HSP90AA1: variants seen among roughly 807,000 people sequenced by gnomAD.
The protein encoded by HSP90AA1 is heat shock protein 90 alpha family class A member 1.
Under a neutral mutation model 73.3 loss-of-function variants are expected in HSP90AA1, and 18 were observed. The ratio of observed to expected loss-of-function variants is 0.25; its 90% CI spans 0.17 to 0.36. The LOEUF (loss-of-function observed/expected upper bound fraction) is 0.36, where lower values mean the gene tolerates loss of function less well. HSP90AA1 is among the 10% of genes least tolerant of loss of function. The probability of loss-of-function intolerance (pLI) is 1.00; values close to 1 mark genes in which losing one functional copy is unlikely to be tolerated. For missense variants in HSP90AA1, 704 were observed against 874.2 expected (o/e 0.81, Z 2.45); for synonymous variants, 477 against 296.9 (o/e 1.61, Z -6.24).
intron 2 of HSP90AA1, among the ~76,000 whole-genome samples, chr14:102,094,202 C>T (rs957950464): frequency 2.0e-5 from 3 of 152,210 alleles, no homozygotes; most frequent in Non-Finnish European, 4.4e-5. Flanking sequence ...GCCGGGAAGC[C>T]GGCAAACTCG....
intron 1 of HSP90AA1, among the ~76,000 whole-genome samples, chr14:102,108,763 C>CT (rs2049603553): frequency 1.3e-5 from 2 of 151,864 alleles, no homozygotes; most frequent in Non-Finnish European, 2.9e-5. Flanking sequence ...TCTTGAACTC[C>CT]TGACCTCATG....
chr14:102,090,054 C>G (rs2049333183), upstream of HSP90AA1, among the ~76,000 whole-genome samples: 1 of 152,162 alleles, frequency 6.6e-6, no homozygotes, highest in Non-Finnish European at 1.5e-5. Context: ...AGACAGAGCT[C>G]TTTAGGCCTG....
intron 1 of HSP90AA1, among the ~76,000 whole-genome samples, chr14:102,128,252 G>C (rs1212534261): frequency 1.3e-5 from 2 of 152,142 alleles, no homozygotes; most frequent in Non-Finnish European, 2.9e-5. Context: ...AGCACTTTGG[G>C]AGGCCGAGGT....
intron 1 of HSP90AA1, among the ~76,000 whole-genome samples, chr14:102,122,494 G>C (rs1351532236): frequency 1.3e-5 from 2 of 151,700 alleles, no homozygotes; most frequent in Non-Finnish European, 2.9e-5. Flanking sequence ...TGTTAGCCAG[G>C]ATGGTCTTGA....
At chr14:102,127,038 CT>C (rs34283559) in intron 1 of HSP90AA1, among the ~76,000 whole-genome samples, 115,526 of 146,474 alleles carry the variant, frequency 0.79, 46,702 homozygotes, top group East Asian at 0.92. Flanking sequence ...GTGAGAAGTA[CT>C]TTTTTTTTTT....
At chr14:102,086,490 TTAAG>T (rs1349428591) in intron 1 of HSP90AA1, 112 bp from the exon 2 acceptor site, 12 of 1,254,530 alleles carry the variant, frequency 9.6e-6, no homozygotes, top group Non-Finnish European at 3.5e-6. Context: ...TTTGCGAAGT[TTAAG>T]TAAACCGAAA....
rs4586364 is a variant in HSP90AA1, at chr14:102,085,451, A to C, written c.530-20T>G. On this transcript the variant is annotated intron_variant, in intron 3 of 10. Transcript: ENST00000216281. ...GTTCACCTGCAAGAGAAGAAAGAAA[A>C]ATTGACTTAATACATTCAATTTAGT... 1 of 1,491,250 alleles carries C rather than the reference A, an allele frequency of 6.7e-7. No homozygotes were observed. The highest frequency in any genetic ancestry group is 8.9e-7 in the Non-Finnish European group (1 of 1,121,656). The allele number at this position is 1,491,250 out of a possible 1,614,324, so 92.4% of individuals were successfully genotyped here. A position where few individuals can be genotyped will look rare whatever the true frequency, so the allele number is the denominator to read the frequency against.
intron 1 of HSP90AA1, among the ~76,000 whole-genome samples, chr14:102,130,764 C>G (rs1011905228): frequency 2.6e-5 from 4 of 152,174 alleles, no homozygotes; most frequent in Admixed American, 2.0e-4. Flanking sequence ...GGGTCTCCCT[C>G]TGTTGCCCAG....
intron 9 of HSP90AA1, 193 bp downstream of exon 9, chr14:102,082,836 GGTCTC>G (rs2049130109): frequency 1.6e-6 from 1 of 623,186 alleles, no homozygotes; most frequent in African/African-American, 1.8e-5. Context: ...TAGCCAGGAT[GGTCTC>G]GATCTCCTGA....
At chr14:102,083,439 C>T (rs1394212377) in intron 8 of HSP90AA1, 107 bp downstream of exon 8, 3 of 1,416,610 alleles carry the variant, frequency 2.1e-6, no homozygotes, top group Admixed American at 3.4e-5. Context: ...ATTATCTTGC[C>T]TAGATCAATA....
exon 1 of HSP90AA1, chr14:102,139,378 G>T: frequency 6.3e-7 from 1 of 1,588,648 alleles, no homozygotes; most frequent in African/African-American, 1.3e-5. Context: ...GAGGGGTGGA[G>T]CCGTCCCCGC....
At chr14:102,139,415 C>T (rs1328788835) in exon 1 of HSP90AA1, 4 of 1,542,318 alleles carry the variant, frequency 2.6e-6, no homozygotes, top group Admixed American at 2.1e-5. Flanking sequence ...CCGCGCTCCC[C>T]GTAGGGTACC....
upstream of HSP90AA1, among the ~76,000 whole-genome samples, chr14:102,088,893 C>CTTTTT (rs897177764): frequency 9.4e-6 from 1 of 106,202 alleles, no homozygotes. Context: ...CTCTGACGTT[C>CTTTTT]TTTTTTTTCT....
At chr14:102,133,402 C>A (rs1406935560) in intron 1 of HSP90AA1, among the ~76,000 whole-genome samples, 1 of 152,058 alleles carries the variant, frequency 6.6e-6, no homozygotes, top group Non-Finnish European at 1.5e-5. Flanking sequence ...CTGAAGCCAA[C>A]TATGGGTCCT....
At chr14:102,126,071 G>T (rs1173952423) in intron 1 of HSP90AA1, among the ~76,000 whole-genome samples, 1 of 152,074 alleles carries the variant, frequency 6.6e-6, no homozygotes. Context: ...TTACATTTGG[G>T]GCCTCAGGGA....
Position 102,084,736 on chromosome 14 carries a change from T to A in HSP90AA1, c.926A>T (p.Tyr309Phe), listed in dbSNP as rs1218454906. ...GGTCAAGCTCTTATAGAATTCTCCGTACTCCTCATTAGTAATATCGTCGGG... is the reference window on the plus strand; with the variant it reads ...GGTCAAGCTCTTATAGAATTCTCCGAACTCCTCATTAGTAATATCGTCGGG... ...RNPDDITNEE[Y>F]GEFYKSLTND... The change falls in exon 5 of 11, where the codon TAC becomes TTC. Residue 309 changes from tyrosine to phenylalanine, a missense_variant. Physicochemically the swap from Tyr to Phe is conservative, Grantham distance 22 (BLOSUM62 3). Transcript: ENST00000216281. The A allele has an allele frequency of 6.2e-7, 1 of 1,614,176 alleles. No individual in the cohort carries two copies. Among genetic ancestry groups the A allele is most frequent in the Non-Finnish European group, 8.5e-7 (1 of 1,180,022 alleles).
chr14:102,121,901 G>A (rs888818421), intron 1 of HSP90AA1, among the ~76,000 whole-genome samples: 3 of 152,120 alleles, frequency 2.0e-5, no homozygotes, highest in Non-Finnish European at 4.4e-5. Flanking sequence ...CTTGCCATAT[G>A]TGTTGTGAAT....
At chr14:102,095,108 G>A (rs969032416) in intron 2 of HSP90AA1, among the ~76,000 whole-genome samples, 1 of 152,190 alleles carries the variant, frequency 6.6e-6, no homozygotes, top group Admixed American at 6.5e-5. Flanking sequence ...CATCCACGTG[G>A]ATGGGCCTCC....
chr14:102,103,247 G>C (rs2049519593), intron 1 of HSP90AA1, among the ~76,000 whole-genome samples: 1 of 139,978 alleles, frequency 7.1e-6, no homozygotes, highest in Non-Finnish European at 1.5e-5. Flanking sequence ...TTTTCAGATA[G>C]GGTCTCGGTT....
Sources: gnomAD v4.1 joint callset for allele counts (sites outside exome capture counted in the v4.1 genomes callset) on GRCh38, gnomAD v4.1.1 for gene constraint, MANE v1.5 for transcripts, NCBI Gene and HGNC (gene_info 2026-07-23, HGNC 2026-07-21) for gene names.